Variants in KHDRBS2 observed in about 807,000 individuals in gnomAD.
KHDRBS2 encodes the protein KH RNA binding domain containing, signal transduction associated 2, also known as KH domain-containing, RNA-binding, signal transduction-associated protein 2.
KHDRBS2 carries 26 observed loss-of-function variants against 44.3 expected under a neutral mutation model. The observed-to-expected ratio is 0.59, with a 90% confidence interval of 0.43 to 0.81. The LOEUF (loss-of-function observed/expected upper bound fraction) is 0.81, where lower values mean the gene tolerates loss of function less well. Ranked by LOEUF, KHDRBS2 falls within the 40% of genes least tolerant of loss-of-function variation. KHDRBS2 has a pLI of 0.00. For missense variants in KHDRBS2, 476 were observed against 433.1 expected, an observed-to-expected ratio of 1.10 and a Z score of -0.88; for synonymous variants, 194 against 151.1, an observed-to-expected ratio of 1.28 and a Z score of -2.08.
chr6:62,182,298 G>A (rs566236246), intron 1 of KHDRBS2, among the ~76,000 whole-genome samples: 2 of 152,034 alleles, frequency 1.3e-5, no homozygotes, highest in South Asian at 2.1e-4. Flanking sequence ...GTGATGACGG[G>A]GACTGAGAGA....
chr6:62,090,551 G>A lies in KHDRBS2; in HGVS notation c.220-42557C>T, dbSNP rs1482879471. On this transcript the variant is annotated intron_variant, in intron 2 of 8. Coordinates refer to ENST00000281156, the MANE Select transcript of KHDRBS2 (RefSeq NM_152688.4). ...CTCCCAATAACACCTAGTGGTTATA[G>A]GAAAGGTGTTTTTTTTTTTTAATTT... Among the ~76,000 whole-genome samples, 3 of 150,328 alleles carry A rather than the reference G, an allele frequency of 2.0e-5. No individual in the cohort carries two copies. The East Asian group carries it at 5.9e-4, about 29-fold the overall frequency.
At chr6:61,991,436 G>T (rs1301362741) in intron 3 of KHDRBS2, among the ~76,000 whole-genome samples, 1 of 152,138 alleles carries the variant, frequency 6.6e-6, no homozygotes, top group African/African-American at 2.4e-5. Context: ...TCTGAGACAG[G>T]CATGCTTTGA....
intron 6 of KHDRBS2, among the ~76,000 whole-genome samples, chr6:61,873,085 A>G (rs1247078778): frequency 6.6e-6 from 1 of 152,090 alleles, no homozygotes; most frequent in Admixed American, 6.5e-5. Context: ...ACATAGGAGA[A>G]GATTTTTATG....
chr6:62,205,916 G>A (rs941304519), intron 1 of KHDRBS2, among the ~76,000 whole-genome samples: 4 of 152,118 alleles, frequency 2.6e-5, no homozygotes, highest in African/African-American at 9.7e-5. Context: ...GGGAACTTGA[G>A]CATCCAAGAA....
intron 6 of KHDRBS2, chr6:61,816,764 A>T: frequency 2.7e-6 from 1 of 370,652 alleles, no homozygotes; most frequent in South Asian, 2.0e-5. Context: ...AACAAAATTA[A>T]CTCACCATAT....
intron 8 of KHDRBS2, among the ~76,000 whole-genome samples, chr6:61,686,612 G>A (rs576511161): frequency 5.9e-5 from 9 of 151,686 alleles, no homozygotes; most frequent in Non-Finnish European, 1.3e-4. Flanking sequence ...CACAGTGCTA[G>A]GTGTTTTGTG....
chr6:61,795,665 A>G (rs1785239234), intron 6 of KHDRBS2, among the ~76,000 whole-genome samples: 1 of 152,146 alleles, frequency 6.6e-6, no homozygotes, highest in Non-Finnish European at 1.5e-5. Context: ...TTATGTGAGT[A>G]TGCCTGCTCC....
intron 1 of KHDRBS2, among the ~76,000 whole-genome samples, chr6:62,284,107 T>A (rs555140462): frequency 6.6e-6 from 1 of 152,268 alleles, no homozygotes; most frequent in South Asian, 2.1e-4. Context: ...GATAAAATGT[T>A]AAGGAACCAA....
chr6:61,557,997 T>C, the KHDRBS2 span, among the ~76,000 whole-genome samples: 3 of 152,204 alleles, frequency 2.0e-5, no homozygotes, highest in Admixed American at 6.5e-5. Context: ...TTCTAATTTC[T>C]GATCTTATAT....
Position 61,689,848 on chromosome 6 carries a change from G to A in KHDRBS2, c.952+7347C>T, listed in dbSNP as rs113114518. Among the ~76,000 whole-genome samples, 266 of 152,012 alleles carry A rather than the reference G, an allele frequency of 1.7e-3. 1 individual carries two copies. The highest frequency in any genetic ancestry group is 6.2e-3 in the African/African-American group (258 of 41,474). ...TTCAATACAAGAAGACACTGATTGT[G>A]AGTCATATATACATGTATATATACA... On this transcript the variant is annotated intron_variant, in intron 8 of 8. Transcript: ENST00000281156.
chr6:61,840,387 G>A (rs1373919863), intron 6 of KHDRBS2, among the ~76,000 whole-genome samples: 1 of 152,044 alleles, frequency 6.6e-6, no homozygotes, highest in African/African-American at 2.4e-5. Context: ...AACAGCAATT[G>A]TTCTGTTGAT....
At chr6:61,720,925 G>A (rs1339921540) in intron 7 of KHDRBS2, among the ~76,000 whole-genome samples, 3 of 151,024 alleles carry the variant, frequency 2.0e-5, no homozygotes, top group Admixed American at 6.6e-5. Context: ...TAAGGTTTAA[G>A]TCTTTAATCC....
At chr6:61,657,825 T>C in the KHDRBS2 span, among the ~76,000 whole-genome samples, 6 of 151,992 alleles carry the variant, frequency 3.9e-5, no homozygotes, top group African/African-American at 1.4e-4. Context: ...CCCTTGTCTT[T>C]TTCTTGGAAA....
At chr6:61,554,190 A>G in the KHDRBS2 span, among the ~76,000 whole-genome samples, 2,516 of 152,266 alleles carry the variant, frequency 0.017, 38 homozygotes, top group Non-Finnish European at 0.024. Flanking sequence ...TCCTGTGTTC[A>G]GTACATATAA....
At chr6:61,802,647 G>A (rs1362979499) in intron 6 of KHDRBS2, among the ~76,000 whole-genome samples, 33 of 152,068 alleles carry the variant, frequency 2.2e-4, no homozygotes, top group Non-Finnish European at 1.5e-5. Context: ...AGTACCTAAG[G>A]CAATATTTAG....
the KHDRBS2 span, chr6:61,574,410 A>C: frequency 1.3e-6 from 2 of 1,519,960 alleles, no homozygotes; most frequent in Non-Finnish European, 1.8e-6. Context: ...TAATACAACA[A>C]GACGAGAAGA....
At chr6:61,870,170 T>C (rs2127302261) in intron 6 of KHDRBS2, among the ~76,000 whole-genome samples, 1 of 152,150 alleles carries the variant, frequency 6.6e-6, no homozygotes, top group African/African-American at 2.4e-5. Flanking sequence ...CAGTCTGAGA[T>C]GGACCTGGGA....
chr6:61,642,078 C>T, the KHDRBS2 span, among the ~76,000 whole-genome samples: 2 of 152,120 alleles, frequency 1.3e-5, no homozygotes, highest in Admixed American at 6.6e-5. Flanking sequence ...CTCTAGAGTT[C>T]TGATGACATA....
At chr6:61,709,305 A>G (rs144630811) in intron 7 of KHDRBS2, among the ~76,000 whole-genome samples, 14 of 151,720 alleles carry the variant, frequency 9.2e-5, no homozygotes, top group Admixed American at 3.3e-4. Flanking sequence ...ATATAGGCGG[A>G]TTATTCATGA....
Sources: gnomAD v4.1 joint callset for allele counts (sites outside exome capture counted in the v4.1 genomes callset) on GRCh38, gnomAD v4.1.1 for gene constraint, MANE v1.5 for transcripts, NCBI Gene and HGNC (gene_info 2026-07-23, HGNC 2026-07-21) for gene names.